The following PDZRN4 variants were observed in gnomAD, a reference collection of about 807,000 sequenced individuals.
PDZRN4 encodes PDZ domain containing ring finger 4.
PDZRN4 carries 70 observed loss-of-function variants against 99.0 expected under a neutral mutation model. The ratio of observed to expected loss-of-function variants is 0.71; its 90% confidence interval spans 0.58 to 0.86. PDZRN4 has a LOEUF of 0.86. PDZRN4 is among the 40% of genes least tolerant of loss of function. PDZRN4 has a pLI of 0.00. For synonymous variants in PDZRN4, 551 were observed against 501.6 expected, an observed-to-expected ratio of 1.10 and a Z score of -1.32; for missense variants, 1,474 against 1,331.2, an observed-to-expected ratio of 1.11 and a Z score of -1.67.
intron 3 of PDZRN4, among the ~76,000 whole-genome samples, chr12:41,328,555 G>A (rs946468475): frequency 2.0e-5 from 3 of 152,012 alleles, no homozygotes; most frequent in Non-Finnish European, 4.4e-5. Context: ...TGCAGATTTG[G>A]CAGGTTTGTT....
intron 3 of PDZRN4, among the ~76,000 whole-genome samples, chr12:41,392,070 C>T (rs1446016660): frequency 6.6e-6 from 1 of 152,090 alleles, no homozygotes; most frequent in Non-Finnish European, 1.5e-5. Flanking sequence ...AATTAGGTCA[C>T]ATAAAATGTA....
intron 3 of PDZRN4, among the ~76,000 whole-genome samples, chr12:41,298,589 T>C (rs1951510729): frequency 6.6e-6 from 1 of 152,162 alleles, no homozygotes; most frequent in Non-Finnish European, 1.5e-5. Context: ...TTGGATTGGA[T>C]GAGAAAAGCT....
chr12:41,385,772 T>G (rs1254318580), intron 3 of PDZRN4, among the ~76,000 whole-genome samples: 1 of 152,058 alleles, frequency 6.6e-6, no homozygotes, highest in East Asian at 1.9e-4. Context: ...TCCCTGCTAT[T>G]CCAAAAAGTT....
intron 3 of PDZRN4, among the ~76,000 whole-genome samples, chr12:41,396,101 C>A (rs768217733): frequency 4.6e-5 from 7 of 152,228 alleles, no homozygotes; most frequent in East Asian, 3.9e-4. Flanking sequence ...CAGAAAGCGA[C>A]TTTGATGATT....
intron 5 of PDZRN4, among the ~76,000 whole-genome samples, chr12:41,548,611 G>C (rs1485372638): frequency 6.6e-6 from 1 of 152,162 alleles, no homozygotes. Flanking sequence ...TTCTTACGAA[G>C]AGGAAAATCT....
intron 3 of PDZRN4, among the ~76,000 whole-genome samples, chr12:41,349,470 C>T (rs1592022769): frequency 7.4e-6 from 1 of 135,096 alleles, no homozygotes; most frequent in Non-Finnish European, 1.6e-5. Context: ...TATCTGTATA[C>T]TTTGTGCTAT....
At chr12:41,259,129 C>T (rs11180505) in intron 3 of PDZRN4, among the ~76,000 whole-genome samples, 21,981 of 151,924 alleles carry the variant, frequency 0.14, 2,447 homozygotes, top group African/African-American at 0.31. Context: ...TAATGGCTAT[C>T]GTTGGCTGAT....
chr12:41,490,529 T>C (rs528084325), intron 3 of PDZRN4, among the ~76,000 whole-genome samples: 4 of 152,170 alleles, frequency 2.6e-5, no homozygotes, highest in Non-Finnish European at 5.9e-5. Context: ...GTTGACTTCC[T>C]ACTCTATCTC....
intron 3 of PDZRN4, among the ~76,000 whole-genome samples, chr12:41,433,690 C>G (rs1952604088): frequency 6.6e-6 from 1 of 152,154 alleles, no homozygotes; most frequent in Non-Finnish European, 1.5e-5. Context: ...CATAAGCAAG[C>G]CATCATCTGA....
At chr12:41,226,794 A>G (rs1950998121) in intron 3 of PDZRN4, among the ~76,000 whole-genome samples, 1 of 152,208 alleles carries the variant, frequency 6.6e-6, no homozygotes, top group Non-Finnish European at 1.5e-5. Context: ...TAAGCCCTAA[A>G]GAAAATACCA....
chr12:41,497,296 T>A (rs1938025026), intron 3 of PDZRN4, among the ~76,000 whole-genome samples: 2 of 152,074 alleles, frequency 1.3e-5, no homozygotes, highest in Admixed American at 6.6e-5. Context: ...GACAATGACA[T>A]TTTTTTCCCA....
At chr12:41,419,474 T>C (rs1003013192) in intron 3 of PDZRN4, among the ~76,000 whole-genome samples, 3 of 152,154 alleles carry the variant, frequency 2.0e-5, no homozygotes, top group African/African-American at 7.2e-5. Flanking sequence ...CAAATAACAT[T>C]AATTTTCTTC....
At chr12:41,533,923 C>A (rs1333472046) in intron 5 of PDZRN4, among the ~76,000 whole-genome samples, 1 of 151,966 alleles carries the variant, frequency 6.6e-6, no homozygotes. Context: ...GACTATTTTT[C>A]TCATCCAATT....
At chr12:41,298,278 T>G (rs530093052) in intron 3 of PDZRN4, among the ~76,000 whole-genome samples, 1 of 152,276 alleles carries the variant, frequency 6.6e-6, no homozygotes, top group Admixed American at 6.5e-5. Flanking sequence ...TAATTTGTAG[T>G]GCTTGAAGAT....
chr12:41,443,752 A>G (rs575403695), intron 3 of PDZRN4, among the ~76,000 whole-genome samples: 1 of 152,292 alleles, frequency 6.6e-6, no homozygotes, highest in East Asian at 1.9e-4. Flanking sequence ...GGTTGATGTC[A>G]TGAAGTTTAC....
At chr12:41,223,468 C>T (rs1254403516) in intron 3 of PDZRN4, among the ~76,000 whole-genome samples, 1 of 152,114 alleles carries the variant, frequency 6.6e-6, no homozygotes, top group Non-Finnish European at 1.5e-5. Flanking sequence ...AGATGAATAA[C>T]ATATACCTCT....
chr12:41,297,069 G>A (rs1011232472), intron 3 of PDZRN4, among the ~76,000 whole-genome samples: 3 of 152,174 alleles, frequency 2.0e-5, no homozygotes, highest in Non-Finnish European at 4.4e-5. Flanking sequence ...CAGTTTCTTA[G>A]GGATGAACTA....
intron 3 of PDZRN4, among the ~76,000 whole-genome samples, chr12:41,207,348 T>C (rs942665521): frequency 1.3e-5 from 2 of 151,726 alleles, no homozygotes; most frequent in South Asian, 2.1e-4. Context: ...AATTTTAGAG[T>C]TGAAAAAATT....
chr12:41,556,469 AC>A (rs1434431676), intron 7 of PDZRN4, among the ~76,000 whole-genome samples: 1 of 152,212 alleles, frequency 6.6e-6, no homozygotes, highest in Non-Finnish European at 1.5e-5. Context: ...TGCACTAAAT[AC>A]TATAGGTAAT....
Sources: gnomAD v4.1 joint callset for allele counts (sites outside exome capture counted in the v4.1 genomes callset) on GRCh38, gnomAD v4.1.1 for gene constraint, MANE v1.5 for transcripts, NCBI Gene and HGNC (gene_info 2026-07-23, HGNC 2026-07-21) for gene names.